The following TMCO5A variants were observed in gnomAD, a reference collection of about 807,000 sequenced individuals.
TMCO5A encodes transmembrane and coiled-coil domain-containing protein 5A.
TMCO5A carries 34 observed loss-of-function variants against 42.3 expected under a neutral mutation model. That is an observed-to-expected ratio of 0.80 (90% CI 0.61 to 1.07). The LOEUF is 1.07. Among genes scored for constraint, TMCO5A ranks in the 50% least tolerant of loss-of-function variants. The pLI, the probability that TMCO5A is intolerant of heterozygous loss-of-function variation, is 0.00. For synonymous variants in TMCO5A, 131 were observed against 115.6 expected, an observed-to-expected ratio of 1.13 and a Z score of -0.86; for missense variants, 357 against 327.9, an observed-to-expected ratio of 1.09 and a Z score of -0.69.
chr15:38,023,505 A>G, the TMCO5A span, among the ~76,000 whole-genome samples: 2 of 152,198 alleles, frequency 1.3e-5, no homozygotes, highest in Non-Finnish European at 2.9e-5. Context: ...TTAAAGGTAA[A>G]CATTCTAAGA....
At chr15:38,013,621 AC>A in the TMCO5A span, among the ~76,000 whole-genome samples, 14 of 152,262 alleles carry the variant, frequency 9.2e-5, no homozygotes, top group Non-Finnish European at 1.3e-4. Context: ...GTATTGCTTC[AC>A]TTTTCTTAAT....
At chr15:37,936,108 G>A in intron 2 of TMCO5A, 1 of 456,540 alleles carries the variant, frequency 2.2e-6, no homozygotes, top group African/African-American at 2.0e-5. Context: ...AGAAAGCCTG[G>A]GAAAGACCCT....
chr15:38,035,773 C>T, the TMCO5A span, among the ~76,000 whole-genome samples: 24 of 152,102 alleles, frequency 1.6e-4, no homozygotes, highest in Non-Finnish European at 2.9e-4. Context: ...TTCAGAAAGC[C>T]CCAAGGCATG....
the TMCO5A span, among the ~76,000 whole-genome samples, chr15:37,993,863 G>T: frequency 6.6e-6 from 1 of 152,102 alleles, no homozygotes; most frequent in Admixed American, 6.6e-5. Flanking sequence ...ATGGGTAGCT[G>T]CTACTCTGCT....
the TMCO5A span, among the ~76,000 whole-genome samples, chr15:37,991,534 C>A: frequency 2.6e-5 from 4 of 152,006 alleles, no homozygotes; most frequent in African/African-American, 9.7e-5. Flanking sequence ...TCTCTGAATA[C>A]TCTCTGCTTC....
chr15:38,031,832 T>G, the TMCO5A span, among the ~76,000 whole-genome samples: 1 of 152,164 alleles, frequency 6.6e-6, no homozygotes, highest in Admixed American at 6.5e-5. Flanking sequence ...ATAAATAGCA[T>G]TCTAGCCCTG....
chr15:37,950,973 T>C, intron 11 of TMCO5A, 63 bp from the exon 12 acceptor site: 1 of 1,437,842 alleles, frequency 7.0e-7, no homozygotes, highest in Non-Finnish European at 9.7e-7. Flanking sequence ...TCAGGTATGA[T>C]TTATTTTTTG....
chr15:37,938,316 A>C, intron 6 of TMCO5A, 87 bp downstream of exon 6: 1 of 1,176,176 alleles, frequency 8.5e-7, no homozygotes, highest in Non-Finnish European at 1.2e-6. Context: ...CAACGTTGTG[A>C]CAAATTCTTG....
At chr15:38,038,004 C>T in the TMCO5A span, among the ~76,000 whole-genome samples, 1 of 149,590 alleles carries the variant, frequency 6.7e-6, no homozygotes, top group Admixed American at 6.7e-5. Flanking sequence ...CAGAGTGAGA[C>T]TCCGTCTCAA....
chr15:37,966,956 T>C (rs1477495520), exon 12 of TMCO5A: 5 of 389,058 alleles, frequency 1.3e-5, no homozygotes, highest in South Asian at 1.1e-4. Context: ...TCAGTGCCTA[T>C]GGAAGAGAAA....
At chr15:37,960,483 G>T (rs1235737814) in intron 11 of TMCO5A, among the ~76,000 whole-genome samples, 1 of 152,074 alleles carries the variant, frequency 6.6e-6, no homozygotes, top group South Asian at 2.1e-4. Context: ...AAATTGTGCT[G>T]CTATAAACAT....
At chr15:38,032,144 A>G in the TMCO5A span, among the ~76,000 whole-genome samples, 2 of 152,042 alleles carry the variant, frequency 1.3e-5, no homozygotes, top group African/African-American at 4.8e-5. Context: ...TAGTAGAGAC[A>G]GGTTTTCTCC....
At chr15:37,994,977 T>C in the TMCO5A span, among the ~76,000 whole-genome samples, 14 of 152,182 alleles carry the variant, frequency 9.2e-5, no homozygotes, top group African/African-American at 3.1e-4. Flanking sequence ...TAAGTGCCAG[T>C]AAAACCTTTT....
Position 37,966,635 on chromosome 15 carries a change from TC to T in TMCO5A, c.681del (p.Ter229SerfsTer31), listed in dbSNP as rs779018677. On this transcript the variant is annotated frameshift_variant, in exon 12 of 12. Transcript: ENST00000559502. LOFTEE classifies it high-confidence loss of function. ...TTCTTCTCTCTTCAGATGGGCCTCC[TC>T]CTTTTAGTGGCAAGATGGCTGCCAA... 181 of 702,840 alleles carry T rather than the reference TC, an allele frequency of 2.6e-4. No homozygotes were observed. The highest frequency in any genetic ancestry group is 7.8e-5 in the Non-Finnish European group (30 of 384,956). 43.5% of individuals were successfully genotyped at this position (702,840 alleles called of 1,614,324 possible).
chr15:38,007,529 T>C, the TMCO5A span, among the ~76,000 whole-genome samples: 1 of 152,158 alleles, frequency 6.6e-6, no homozygotes, highest in African/African-American at 2.4e-5. Context: ...TTTCTGTACT[T>C]CTCAAAGCTA....
the TMCO5A span, among the ~76,000 whole-genome samples, chr15:38,008,792 A>G: frequency 6.6e-6 from 1 of 152,186 alleles, no homozygotes; most frequent in Non-Finnish European, 1.5e-5. Context: ...GGTTGGAATC[A>G]AGACAACGCA....
At chr15:38,007,708 A>T in the TMCO5A span, among the ~76,000 whole-genome samples, 3,061 of 152,094 alleles carry the variant, frequency 0.02, 91 homozygotes, top group African/African-American at 0.067. Context: ...GTGAACAAGT[A>T]AGTGCCATGA....
chr15:38,036,509 C>T, the TMCO5A span, among the ~76,000 whole-genome samples: 1 of 150,248 alleles, frequency 6.7e-6, no homozygotes, highest in African/African-American at 2.5e-5. Context: ...CACACACACA[C>T]ACACACACAC....
the TMCO5A span, among the ~76,000 whole-genome samples, chr15:37,973,571 G>A: frequency 2.6e-4 from 39 of 151,814 alleles, no homozygotes; most frequent in African/African-American, 8.5e-4. Flanking sequence ...TTTGGCTCTC[G>A]GCTTGGCTAT....
Sources: gnomAD v4.1 joint callset for allele counts (sites outside exome capture counted in the v4.1 genomes callset) on GRCh38, gnomAD v4.1.1 for gene constraint, MANE v1.5 for transcripts, NCBI Gene and HGNC (gene_info 2026-07-23, HGNC 2026-07-21) for gene names.